The following SPATA16 variants were observed in gnomAD, a reference collection of about 807,000 sequenced individuals.
SPATA16 encodes the protein spermatogenesis associated 16, also known as spermatogenesis-associated protein 16.
Under a neutral mutation model 63.3 loss-of-function variants are expected in SPATA16, and 36 were observed. The ratio of observed to expected loss-of-function variants is 0.57; its 90% confidence interval spans 0.44 to 0.75. The LOEUF (loss-of-function observed/expected upper bound fraction) is 0.75. Ranked by LOEUF, SPATA16 falls within the 30% of genes least tolerant of loss-of-function variation. The probability of loss-of-function intolerance (pLI) is 0.00; values close to 1 mark genes in which losing one functional copy is unlikely to be tolerated. For missense variants in SPATA16, 646 were observed against 679.3 expected (o/e 0.95, Z 0.54); for synonymous variants, 203 against 216.7 (o/e 0.94, Z 0.56).
intron 2 of SPATA16, among the ~76,000 whole-genome samples, chr3:173,110,311 T>C (rs1189235480): frequency 6.6e-6 from 1 of 152,208 alleles, no homozygotes; most frequent in African/African-American, 2.4e-5. Context: ...CAGTTAGTAG[T>C]TCAAAATAGT....
chr3:172,902,616 T>A (rs1287324275), intron 10 of SPATA16, among the ~76,000 whole-genome samples: 2 of 152,186 alleles, frequency 1.3e-5, no homozygotes, highest in African/African-American at 2.4e-5. Context: ...AAATTTCTTG[T>A]AATAAGAGAT....
chr3:172,936,116 TA>T (rs977518293), intron 6 of SPATA16, among the ~76,000 whole-genome samples: 16 of 152,308 alleles, frequency 1.1e-4, no homozygotes, highest in African/African-American at 3.8e-4. Context: ...ACAAAGCTCC[TA>T]AGACCTTTAG....
chr3:173,060,385 AG>A (rs143738553), intron 2 of SPATA16, among the ~76,000 whole-genome samples: 12 of 152,318 alleles, frequency 7.9e-5, no homozygotes, highest in African/African-American at 2.9e-4. Flanking sequence ...ATTTTGAAAA[AG>A]TAATTTAAAT....
At chr3:173,083,024 A>T (rs1736961226) in intron 2 of SPATA16, among the ~76,000 whole-genome samples, 2 of 152,172 alleles carry the variant, frequency 1.3e-5, no homozygotes, top group South Asian at 4.1e-4. Context: ...GTCATTTAAA[A>T]ATGGGGTTGT....
chr3:173,062,902 G>T (rs1364456570), intron 2 of SPATA16, among the ~76,000 whole-genome samples: 1 of 152,150 alleles, frequency 6.6e-6, no homozygotes, highest in Non-Finnish European at 1.5e-5. Context: ...TCACAATAGG[G>T]TTTGTACTCC....
chr3:173,081,168 A>G (rs1736913733), intron 2 of SPATA16, among the ~76,000 whole-genome samples: 1 of 152,230 alleles, frequency 6.6e-6, no homozygotes, highest in South Asian at 2.1e-4. Context: ...AAAACACGGT[A>G]GCTAGCAGAT....
chr3:172,914,069 A>AT (rs11373596), intron 9 of SPATA16, among the ~76,000 whole-genome samples: 2,933 of 152,306 alleles, frequency 0.019, 29 homozygotes, highest in Middle Eastern at 0.058. Context: ...AGGAAATGGC[A>AT]TGTAGTACAT....
intron 3 of SPATA16, among the ~76,000 whole-genome samples, chr3:173,027,924 T>C (rs1735488833): frequency 6.7e-6 from 1 of 149,470 alleles, no homozygotes; most frequent in South Asian, 2.1e-4. Flanking sequence ...CCAGGTACTT[T>C]AGACTTTAGC....
At chr3:173,080,492 A>C (rs2108313157) in intron 2 of SPATA16, among the ~76,000 whole-genome samples, 1 of 152,198 alleles carries the variant, frequency 6.6e-6, no homozygotes, top group South Asian at 2.1e-4. Context: ...TGTGAGACAG[A>C]GCTGGGGGTG....
At chr3:173,103,109 C>T (rs1224274419) in intron 2 of SPATA16, among the ~76,000 whole-genome samples, 1 of 152,224 alleles carries the variant, frequency 6.6e-6, no homozygotes, top group African/African-American at 2.4e-5. Context: ...AAGGGGTGGG[C>T]TCCCAGGGCC....
At position 172,949,504 on chromosome 3, in the gene SPATA16, TGA is replaced by T. The variant is rs374985528; in HGVS notation, c.1081+7171_1081+7172del. ...TCAATTTAAAATTGTTATATACTAC[TGA>T]GAGTTCAGTCTTCAGGGATTTTAAT... On this transcript the variant is annotated intron_variant, in intron 6 of 10. Coordinates refer to ENST00000351008, the MANE Select transcript of SPATA16 (RefSeq NM_031955.6). Among the ~76,000 whole-genome samples, 94 of 152,326 alleles carry T rather than the reference TGA, an allele frequency of 6.2e-4. 1 individual carries two copies. The East Asian group carries it at 0.015, about 25-fold the overall frequency.
At chr3:173,038,229 G>T (rs1735759405) in intron 3 of SPATA16, among the ~76,000 whole-genome samples, 1 of 151,982 alleles carries the variant, frequency 6.6e-6, no homozygotes, top group African/African-American at 2.4e-5. Flanking sequence ...TTTGTCTCTT[G>T]CTACTTGTAA....
rs1732673244 is a variant in SPATA16 at position 172,924,087 on chromosome 3, T to C, written c.1338+121A>G. ...AATTTGCTTGTTTTTGCAAATGAGA[T>C]TTACTATGAACGTTTCCAAAATCCC... is the stretch of plus-strand genomic sequence containing the variant. On this transcript the variant is annotated intron_variant, in intron 8 of 10. Coordinates refer to ENST00000351008, the MANE Select transcript of SPATA16 (RefSeq NM_031955.6). The C allele has an allele frequency of 1.7e-5, 13 of 785,768 alleles. No individual in the cohort carries two copies. The East Asian group carries it at 3.6e-4, about 22-fold the overall frequency. 48.7% of individuals were successfully genotyped at this position (785,768 alleles called of 1,614,324 possible).
rs149893182 is a variant in SPATA16, at chr3:173,014,096, G to A, written c.848+5390C>T. Reference sequence around the variant, plus strand: ...CCCACTTCTTGGTGTATACCCAAAGGAAAACAAACCATTCCACCAAAAAGA... The same window carrying A: ...CCCACTTCTTGGTGTATACCCAAAGAAAAACAAACCATTCCACCAAAAAGA... On this transcript the variant is annotated intron_variant, in intron 4 of 10. Transcript: ENST00000351008. Among the ~76,000 whole-genome samples the A allele has an allele frequency of 4.6e-5, 7 of 152,162 alleles. No homozygotes were observed. In the East Asian group the frequency reaches 1.4e-3, roughly 29 times the overall value.
chr3:173,066,329 G>A (rs532383149), intron 2 of SPATA16, among the ~76,000 whole-genome samples: 157 of 152,322 alleles, frequency 1.0e-3, no homozygotes, highest in Non-Finnish European at 2.1e-3. Flanking sequence ...GGCAGTAGTG[G>A]TTGCAGGCCT....
At chr3:172,995,821 A>G (rs1433379446) in intron 4 of SPATA16, among the ~76,000 whole-genome samples, 2 of 152,052 alleles carry the variant, frequency 1.3e-5, no homozygotes, top group Non-Finnish European at 1.5e-5. Context: ...ATTAACGTAT[A>G]CTCTTTCACC....
At chr3:173,132,805 A>G (rs1738421368) in intron 1 of SPATA16, among the ~76,000 whole-genome samples, 1 of 152,218 alleles carries the variant, frequency 6.6e-6, no homozygotes, top group Admixed American at 6.5e-5. Context: ...AAAGGGATCA[A>G]ATATAAAACG....
chr3:172,942,566 T>G (rs1320720837), intron 6 of SPATA16, among the ~76,000 whole-genome samples: 1 of 152,136 alleles, frequency 6.6e-6, no homozygotes, highest in Non-Finnish European at 1.5e-5. Context: ...ATTATAAGAA[T>G]AATTGACAAA....
intron 1 of SPATA16, among the ~76,000 whole-genome samples, chr3:173,128,965 C>T (rs1444097827): frequency 6.6e-5 from 10 of 152,232 alleles, no homozygotes; most frequent in Non-Finnish European, 1.5e-4. Flanking sequence ...ATGAAGCAGT[C>T]TGCCAGAAAG....
Sources: gnomAD v4.1 joint callset for allele counts (sites outside exome capture counted in the v4.1 genomes callset) on GRCh38, gnomAD v4.1.1 for gene constraint, MANE v1.5 for transcripts, NCBI Gene and HGNC (gene_info 2026-07-23, HGNC 2026-07-21) for gene names.